CDYL: variants seen among roughly 807,000 people sequenced by gnomAD.
The protein encoded by CDYL is chromodomain Y-like protein.
In CDYL, 8 loss-of-function variants were observed where a neutral mutation model predicts 47.3. The observed-to-expected ratio is 0.17, with a 90% confidence interval of 0.10 to 0.31. The LOEUF is 0.31. Ranked by LOEUF, CDYL falls within the 10% of genes least tolerant of loss-of-function variation. The probability of loss-of-function intolerance (pLI) is 1.00; values close to 1 mark genes in which losing one functional copy is unlikely to be tolerated. For synonymous variants in CDYL, 266 were observed against 265.0 expected (o/e 1.00, Z -0.04); for missense variants, 471 against 701.4 (o/e 0.67, Z 3.71).
chr6:4,832,323 A>G (rs1282361973), intron 1 of CDYL, among the ~76,000 whole-genome samples: 3 of 151,966 alleles, frequency 2.0e-5, no homozygotes, highest in African/African-American at 2.4e-5. Flanking sequence ...TTCTGCATCT[A>G]TTGAGATAAT....
intron 1 of CDYL, among the ~76,000 whole-genome samples, chr6:4,830,429 G>A (rs546332783): frequency 6.6e-6 from 1 of 152,188 alleles, no homozygotes; most frequent in South Asian, 2.1e-4. Flanking sequence ...TTCTAGATCA[G>A]GCTACCCCAT....
intron 1 of CDYL, among the ~76,000 whole-genome samples, chr6:4,821,414 G>A (rs1759833913): frequency 6.6e-6 from 1 of 151,386 alleles, no homozygotes; most frequent in African/African-American, 2.4e-5. Context: ...ACGCCCAGTC[G>A]GTCATATGGG....
chr6:4,919,992 A>C (rs1422617533), intron 2 of CDYL, among the ~76,000 whole-genome samples: 1 of 152,182 alleles, frequency 6.6e-6, no homozygotes, highest in Non-Finnish European at 1.5e-5. Flanking sequence ...AATGTGGCCT[A>C]TCCGCAGAAT....
intron 1 of CDYL, among the ~76,000 whole-genome samples, chr6:4,820,521 A>G (rs1759804691): frequency 6.6e-6 from 1 of 152,014 alleles, no homozygotes; most frequent in Non-Finnish European, 1.5e-5. Flanking sequence ...TGGGGTCCTG[A>G]GGTTTGGCTC....
intron 1 of CDYL, among the ~76,000 whole-genome samples, chr6:4,827,934 C>T (rs1021662894): frequency 6.6e-5 from 10 of 152,146 alleles, no homozygotes; most frequent in African/African-American, 1.7e-4. Flanking sequence ...GAATTACAGG[C>T]GGGAGCCATC....
At chr6:4,746,092 G>C (rs532380814) in intron 3 of CDYL, among the ~76,000 whole-genome samples, 1 of 152,020 alleles carries the variant, frequency 6.6e-6, no homozygotes, top group Non-Finnish European at 1.5e-5. Flanking sequence ...CTGGCTGGGC[G>C]CGGTGGCTCA....
At chr6:4,752,509 G>A (rs1225085522) in intron 3 of CDYL, among the ~76,000 whole-genome samples, 1 of 152,108 alleles carries the variant, frequency 6.6e-6, no homozygotes, top group African/African-American at 2.4e-5. Context: ...GTCGAAATCA[G>A]GATAATATTG....
At chr6:4,928,438 T>G (rs942765001) in intron 2 of CDYL, among the ~76,000 whole-genome samples, 1 of 152,256 alleles carries the variant, frequency 6.6e-6, no homozygotes, top group Non-Finnish European at 1.5e-5. Flanking sequence ...CTAGAAATGC[T>G]GTTGTTTAGT....
At chr6:4,751,316 T>G (rs981822445) in intron 3 of CDYL, among the ~76,000 whole-genome samples, 2 of 152,156 alleles carry the variant, frequency 1.3e-5, no homozygotes, top group Non-Finnish European at 2.9e-5. Context: ...AAATGCAGAT[T>G]TTCAGGCCTC....
At chr6:4,867,903 TTCAGAGTATATCGTGTTTCCTTCC>T (rs1434647001) in intron 1 of CDYL, among the ~76,000 whole-genome samples, 111 of 152,098 alleles carry the variant, frequency 7.3e-4, no homozygotes, top group African/African-American at 2.6e-3. Context: ...CATAGAGTTA[TTCAGAGTATATCGTGTTTCCTTCC>T]TTTCTGCCAG....
intron 2 of CDYL, among the ~76,000 whole-genome samples, chr6:4,892,967 C>T (rs1344538112): frequency 6.6e-6 from 1 of 152,220 alleles, no homozygotes; most frequent in Non-Finnish European, 1.5e-5. Context: ...TCCCCAGCCC[C>T]GCTCCTGGGT....
At chr6:4,927,576 C>A (rs567312996) in intron 2 of CDYL, among the ~76,000 whole-genome samples, 4 of 151,748 alleles carry the variant, frequency 2.6e-5, no homozygotes, top group African/African-American at 9.7e-5. Context: ...CCACCACACC[C>A]GACTAATTTT....
chr6:4,870,195 G>A (rs2127472734), intron 1 of CDYL, among the ~76,000 whole-genome samples: 1 of 152,296 alleles, frequency 6.6e-6, no homozygotes, highest in Non-Finnish European at 1.5e-5. Flanking sequence ...TTCCCAAGTA[G>A]CTTGGACTAC....
At chr6:4,857,548 G>T (rs1453317532) in intron 1 of CDYL, among the ~76,000 whole-genome samples, 1 of 152,126 alleles carries the variant, frequency 6.6e-6, no homozygotes, top group African/African-American at 2.4e-5. Flanking sequence ...AGCTTTGTAG[G>T]CCTTTGAAGT....
intron 1 of CDYL, among the ~76,000 whole-genome samples, chr6:4,811,469 G>C (rs1759526690): frequency 6.6e-6 from 1 of 152,148 alleles, no homozygotes. Context: ...TTTGAGGAGA[G>C]GAGCTGGCAA....
At chr6:4,832,393 T>A (rs1760173056) in intron 1 of CDYL, among the ~76,000 whole-genome samples, 1 of 151,304 alleles carries the variant, frequency 6.6e-6, no homozygotes, top group South Asian at 2.1e-4. Flanking sequence ...GATTTGCGTA[T>A]ATTGAACCAG....
At chr6:4,856,740 G>A (rs1761019401) in intron 1 of CDYL, among the ~76,000 whole-genome samples, 1 of 152,208 alleles carries the variant, frequency 6.6e-6, no homozygotes, top group Non-Finnish European at 1.5e-5. Flanking sequence ...GGAGTAGCTT[G>A]GGGCCTGGGG....
At chr6:4,953,842 G>GGACC (rs1758785985) in intron 6 of CDYL, 56 bp from the exon 7 acceptor site, 2 of 1,542,218 alleles carry the variant, frequency 1.3e-6, no homozygotes, top group African/African-American at 2.7e-5. Context: ...GAGGCACAGG[G>GGACC]GACCCGTGTC....
chr6:4,732,889 G>A (rs1295372165), intron 2 of CDYL, among the ~76,000 whole-genome samples: 1 of 152,180 alleles, frequency 6.6e-6, no homozygotes, highest in Non-Finnish European at 1.5e-5. Context: ...GGACAACAGA[G>A]GTGGTGAGGA....
Sources: gnomAD v4.1 joint callset for allele counts (sites outside exome capture counted in the v4.1 genomes callset) on GRCh38, gnomAD v4.1.1 for gene constraint, MANE v1.5 for transcripts, NCBI Gene and HGNC (gene_info 2026-07-23, HGNC 2026-07-21) for gene names.